Variants in ALG5 observed in about 807,000 individuals in gnomAD.
ALG5 encodes ALG5 dolichyl-phosphate beta-glucosyltransferase.
ALG5 carries 26 observed loss-of-function variants against 51.8 expected under a neutral mutation model. The observed-to-expected ratio is 0.50, with a 90% CI of 0.37 to 0.70. The LOEUF is 0.70. Ranked by LOEUF, ALG5 falls within the 30% of genes least tolerant of loss-of-function variation. The pLI, the probability that ALG5 is intolerant of heterozygous loss-of-function variation, is 0.00. For missense variants in ALG5, 311 were observed against 399.3 expected, an observed-to-expected ratio of 0.78 and a Z score of 1.88; for synonymous variants, 141 against 136.1, an observed-to-expected ratio of 1.04 and a Z score of -0.25.
intron 6 of ALG5, among the ~76,000 whole-genome samples, chr13:36,984,032 T>C (rs2058991171): frequency 6.6e-6 from 1 of 152,144 alleles, no homozygotes. Context: ...AAACTAGGTC[T>C]ATTTCATTCA....
intron 6 of ALG5, among the ~76,000 whole-genome samples, chr13:36,978,175 T>C (rs1257755969): frequency 2.7e-5 from 4 of 147,512 alleles, no homozygotes; most frequent in African/African-American, 9.9e-5. Flanking sequence ...CATGAGTCAC[T>C]GCGCCCCACC....
Position 36,983,619 on chromosome 13 carries a change from A to G in ALG5, c.561+2008T>C, listed in dbSNP as rs1232357154. ...AGCAACAAGTAATTTAAATGTGGCC[A>G]ATGAAACTGAGGAACTAAATTTTCA... On this transcript the variant is annotated intron_variant, in intron 6 of 9. Coordinates refer to ENST00000239891, the MANE Select transcript of ALG5 (RefSeq NM_013338.5). Among the ~76,000 whole-genome samples the G allele has an allele frequency of 6.6e-5, 10 of 152,214 alleles. No individual in the cohort carries two copies. In the East Asian group the frequency reaches 1.7e-3, roughly 26 times the overall value.
chr13:36,975,616 CAACTG>C (rs1344371988), intron 6 of ALG5, among the ~76,000 whole-genome samples: 1 of 152,170 alleles, frequency 6.6e-6, no homozygotes, highest in African/African-American at 2.4e-5. Context: ...TATAGAAAGG[CAACTG>C]AAAGAACATC....
At chr13:36,971,828 T>C in intron 7 of ALG5, 149 bp downstream of exon 7, 1 of 592,628 alleles carries the variant, frequency 1.7e-6, no homozygotes. Flanking sequence ...CTTCATAACC[T>C]TTCCACAATT....
intron 2 of ALG5, 73 bp from the exon 3 acceptor site, chr13:36,995,108 C>G (rs985450163): frequency 1.2e-5 from 16 of 1,316,674 alleles, no homozygotes; most frequent in Non-Finnish European, 1.6e-5. Flanking sequence ...AGCTTACATA[C>G]AGAAAAAAGT....
chr13:36,958,503 T>C (rs2058850866), intron 8 of ALG5, among the ~76,000 whole-genome samples: 1 of 152,154 alleles, frequency 6.6e-6, no homozygotes. Flanking sequence ...ACTGGCCTGC[T>C]AGCCCATGCT....
At chr13:36,951,633 G>T (rs190902943) in intron 9 of ALG5, among the ~76,000 whole-genome samples, 4 of 152,296 alleles carry the variant, frequency 2.6e-5, no homozygotes, top group Non-Finnish European at 5.9e-5. Context: ...TATACAGCCA[G>T]AGCTGTCTAA....
chr13:36,993,697 TA>T, intron 3 of ALG5, 25 bp from the exon 4 acceptor site: 1 of 1,600,604 alleles, frequency 6.2e-7, no homozygotes, highest in Non-Finnish European at 8.5e-7. Context: ...AATAAAGTAA[TA>T]CAATTTGGCA....
At chr13:36,974,357 G>A (rs1419967852) in intron 6 of ALG5, among the ~76,000 whole-genome samples, 31 of 152,158 alleles carry the variant, frequency 2.0e-4, no homozygotes, top group African/African-American at 7.5e-4. Flanking sequence ...AAATTTAAAA[G>A]TGCTCATTAT....
intron 5 of ALG5, 104 bp from the exon 6 acceptor site, chr13:36,985,844 G>C (rs746889842): frequency 1.7e-4 from 108 of 646,726 alleles, no homozygotes; most frequent in Non-Finnish European, 2.4e-4. Context: ...TGAAAGATGA[G>C]GTATGAGATG....
chr13:36,960,291 A>C (rs900598092), intron 8 of ALG5, among the ~76,000 whole-genome samples: 1 of 152,202 alleles, frequency 6.6e-6, no homozygotes, highest in Non-Finnish European at 1.5e-5. Flanking sequence ...AAAACTGAAC[A>C]ACTGAGAAAT....
At chr13:36,974,600 T>C (rs1021321792) in intron 6 of ALG5, among the ~76,000 whole-genome samples, 25 of 152,238 alleles carry the variant, frequency 1.6e-4, no homozygotes, top group African/African-American at 6.0e-4. Context: ...CTTTTTATTA[T>C]GGGTATTTTC....
At chr13:36,970,835 C>T (rs1257036307) in intron 7 of ALG5, among the ~76,000 whole-genome samples, 3 of 151,954 alleles carry the variant, frequency 2.0e-5, no homozygotes, top group African/African-American at 4.8e-5. Flanking sequence ...TGCTTGAACC[C>T]GGGAGGCAGA....
At position 36,993,603 on chromosome 13, in the gene ALG5, C is replaced by A; in HGVS notation, c.354+1G>T. The A allele has an allele frequency of 6.2e-7, 1 of 1,611,716 alleles. No homozygotes were observed. The highest frequency in any genetic ancestry group is 8.5e-7 in the Non-Finnish European group (1 of 1,178,060). ...TCAATTCTAAAAGCAAGTGTATTTA[C>A]CTTTGAGGTCTGATCTTTACTGCCA... On this transcript the variant is annotated splice_donor_variant, in intron 4 of 9. Transcript: ENST00000239891. LOFTEE classifies it high-confidence loss of function.
intron 4 of ALG5, among the ~76,000 whole-genome samples, chr13:36,992,520 A>C (rs1458591490): frequency 6.6e-6 from 1 of 152,182 alleles, no homozygotes; most frequent in Non-Finnish European, 1.5e-5. Flanking sequence ...TAAAGCCACA[A>C]CTGTTTGGAA....
chr13:36,980,265 C>CT (rs1233258440), intron 6 of ALG5, among the ~76,000 whole-genome samples: 2 of 152,058 alleles, frequency 1.3e-5, no homozygotes, highest in African/African-American at 2.4e-5. Context: ...GACAGAGTCT[C>CT]TCTCTGTTGA....
intron 8 of ALG5, among the ~76,000 whole-genome samples, chr13:36,953,986 T>C (rs1047299348): frequency 3.9e-5 from 6 of 152,220 alleles, no homozygotes; most frequent in African/African-American, 1.4e-4. Context: ...GATATCAGTA[T>C]ATAGCTAGTG....
At chr13:36,964,131 C>T (rs188970735) in intron 8 of ALG5, among the ~76,000 whole-genome samples, 72 of 152,186 alleles carry the variant, frequency 4.7e-4, no homozygotes, top group East Asian at 1.9e-4. Context: ...TAGGGGCACC[C>T]GAGCTAATTA....
intron 1 of ALG5, among the ~76,000 whole-genome samples, chr13:36,998,661 G>A (rs907680108): frequency 6.6e-6 from 1 of 152,180 alleles, no homozygotes; most frequent in African/African-American, 2.4e-5. Flanking sequence ...GACACAATGC[G>A]ACCCCGGACA....
Sources: gnomAD v4.1 joint callset for allele counts (sites outside exome capture counted in the v4.1 genomes callset) on GRCh38, gnomAD v4.1.1 for gene constraint, MANE v1.5 for transcripts, NCBI Gene and HGNC (gene_info 2026-07-23, HGNC 2026-07-21) for gene names.